The following ARHGAP20 variants were observed in gnomAD, a reference collection of about 807,000 sequenced individuals.
ARHGAP20 encodes rho GTPase-activating protein 20.
Under a neutral mutation model 73.7 loss-of-function variants are expected in ARHGAP20, and 34 were observed. The observed-to-expected ratio is 0.46, with a 90% confidence interval of 0.35 to 0.61. The LOEUF (loss-of-function observed/expected upper bound fraction) is 0.61. Among genes scored for constraint, ARHGAP20 ranks in the 20% least tolerant of loss-of-function variants. The pLI, the probability that ARHGAP20 is intolerant of heterozygous loss-of-function variation, is 0.00. For missense variants in ARHGAP20, 1,314 were observed against 1,420.9 expected (o/e 0.92, Z 1.21); for synonymous variants, 523 against 518.2 (o/e 1.01, Z -0.13).
At chr11:110,665,972 CAT>C (rs1565467082) in intron 2 of ARHGAP20, among the ~76,000 whole-genome samples, 2 of 78,136 alleles carry the variant, frequency 2.6e-5, no homozygotes. Flanking sequence ...ATACAAGATA[CAT>C]ATACACACAC....
intron 2 of ARHGAP20, among the ~76,000 whole-genome samples, chr11:110,639,990 T>C (rs1591335898): frequency 6.6e-6 from 1 of 151,970 alleles, no homozygotes; most frequent in Non-Finnish European, 1.5e-5. Context: ...ATGTTTAACT[T>C]ATTGAGGAAC....
At position 110,583,701 on chromosome 11, in the gene ARHGAP20, G is replaced by T. The variant is rs1947536884; in HGVS notation, c.1452C>A (p.Leu484=). 3 of 1,601,952 alleles carry T rather than the reference G, an allele frequency of 1.9e-6. No homozygotes were observed. The highest frequency in any genetic ancestry group is 2.6e-6 in the Non-Finnish European group (3 of 1,172,174). ...GTAACACCCCAAAAAGATACCTTAGGAGAACAACATTGGCTCTCGGAAGCT... is the reference window on the plus strand; with the variant it reads ...GTAACACCCCAAAAAGATACCTTAGTAGAACAACATTGGCTCTCGGAAGCT... The part of the protein sequence containing the change: ...LDQLPRANVV[L]LRYLFGVLHN... The change falls in exon 13 of 15, where the codon CTC becomes CTA. Residue 484 remains leucine (L), a synonymous_variant. Transcript: ENST00000683387.
chr11:110,608,733 T>C (rs1948292023), intron 8 of ARHGAP20, among the ~76,000 whole-genome samples: 2 of 152,248 alleles, frequency 1.3e-5, no homozygotes, highest in South Asian at 4.2e-4. Context: ...GGATAACTCT[T>C]GTTTGTCAAA....
chr11:110,670,099 C>T (rs758487010), intron 2 of ARHGAP20, among the ~76,000 whole-genome samples: 1 of 151,980 alleles, frequency 6.6e-6, no homozygotes. Flanking sequence ...CAAAGGCGCA[C>T]AAGGAAACCT....
chr11:110,656,422 G>A (rs541829271), intron 2 of ARHGAP20, among the ~76,000 whole-genome samples: 142 of 152,174 alleles, frequency 9.3e-4, no homozygotes, highest in Admixed American at 9.2e-4. Flanking sequence ...GCAGACCTCC[G>A]CTTTGTATTG....
chr11:110,665,104 A>G (rs1227599527), intron 2 of ARHGAP20, among the ~76,000 whole-genome samples: 2 of 152,212 alleles, frequency 1.3e-5, no homozygotes, highest in African/African-American at 4.8e-5. Flanking sequence ...TAGGTATAAA[A>G]AAGAAATCAT....
rs7124153 is a variant in ARHGAP20 at position 110,632,230 on chromosome 11, A to T, written c.189-1438T>A. On this transcript the variant is annotated intron_variant, in intron 2 of 14. Transcript: ENST00000683387. ...GGAATTGTTAGGTCACAGAGTAGGT[A>T]TAAGTTTAATTTTAGAAAAACTACC... is the stretch of plus-strand genomic sequence containing the variant. Among the ~76,000 whole-genome samples, 611 of 152,212 alleles carry T rather than the reference A, an allele frequency of 4.0e-3. 7 individuals are homozygous for T. Among genetic ancestry groups the T allele is most frequent in the African/African-American group, 0.014 (571 of 41,528 alleles).
At position 110,687,061 on chromosome 11, in the gene ARHGAP20, CACACACACACACACACATATATATAG is replaced by C. The variant is rs562179200; in HGVS notation, c.188+3460_188+3485del. On this transcript the variant is annotated intron_variant, in intron 2 of 14. Transcript: ENST00000683387. ...ATATATATATATATATATATAGACA[CACACACACACACACACATATATATAG>C]ACACACACACACACACACATATATT... Among the ~76,000 whole-genome samples, 668 of 101,472 alleles carry C rather than the reference CACACACACACACACACATATATATAG, an allele frequency of 6.6e-3. 3 individuals carry two copies. Among genetic ancestry groups the C allele is most frequent in the Non-Finnish European group, 0.011 (545 of 51,344 alleles). 66.6% of individuals were successfully genotyped at this position (101,472 alleles called of 152,430 possible).
At position 110,577,842 on chromosome 11, in the gene ARHGAP20, T is replaced by C. The variant is rs750662763; in HGVS notation, c.*1528A>G. ...TTCTTCTATCTTAGAGAAAATATTTTTTCCCCTATAACTGAAAATGCAACC... is the reference window on the plus strand; with the variant it reads ...TTCTTCTATCTTAGAGAAAATATTTCTTCCCCTATAACTGAAAATGCAACC... On this transcript the variant is annotated 3_prime_UTR_variant, in exon 15 of 15. Coordinates refer to ENST00000683387, the MANE Select transcript of ARHGAP20 (RefSeq NM_001384657.1). 5.9e-5 allele frequency: 58 copies of C among 985,760 alleles called. No homozygotes were observed. Among genetic ancestry groups the C allele is most frequent in the Middle Eastern group, 5.2e-4 (1 of 1,914 alleles). The allele number at this position is 985,760 out of a possible 1,614,324, so 61.1% of individuals were successfully genotyped here.
At chr11:110,666,949 C>T (rs980250311) in intron 2 of ARHGAP20, among the ~76,000 whole-genome samples, 9 of 152,192 alleles carry the variant, frequency 5.9e-5, no homozygotes, top group Non-Finnish European at 1.3e-4. Context: ...TAAATCTCTT[C>T]AATTCTATGA....
rs140931088 is a variant in ARHGAP20 at position 110,585,869 on chromosome 11, C to T, written c.1415+347G>A. Among the ~76,000 whole-genome samples the T allele has an allele frequency of 1.4e-4, 21 of 152,192 alleles. No homozygotes were observed. In the East Asian group the frequency reaches 3.9e-3, roughly 28 times the overall value. On this transcript the variant is annotated intron_variant, in intron 12 of 14. Transcript: ENST00000683387. ...AGTTCCATGAGAAGACAGAATAAGT[C>T]ATTTTCTCTGTATGACTTCAGTTGG...
intron 2 of ARHGAP20, among the ~76,000 whole-genome samples, chr11:110,642,817 CCCT>C (rs1055411578): frequency 5.9e-5 from 9 of 152,086 alleles, no homozygotes; most frequent in African/African-American, 2.2e-4. Flanking sequence ...CTTAGGGAGT[CCCT>C]CCTCCTCGAC....
chr11:110,578,130 C>CTT lies in ARHGAP20; in HGVS notation c.*1238_*1239dup, dbSNP rs1157507383. ...AGGTGACGAGATGTACTGCTGCAAC[C>CTT]TTTAAGTCAAGAAAGCAGAGAAAGA... On this transcript the variant is annotated 3_prime_UTR_variant, in exon 15 of 15. Coordinates refer to ENST00000683387, the MANE Select transcript of ARHGAP20 (RefSeq NM_001384657.1). The CTT allele has an allele frequency of 1.0e-6, 1 of 985,378 alleles. No individual in the cohort carries two copies. The allele number at this position is 985,378 out of a possible 1,614,324, so 61.0% of individuals were successfully genotyped here.
intron 2 of ARHGAP20, among the ~76,000 whole-genome samples, chr11:110,655,818 T>C (rs576474055): frequency 6.6e-6 from 1 of 152,268 alleles, no homozygotes; most frequent in African/African-American, 2.4e-5. Flanking sequence ...TTCCTAAGGC[T>C]ATGTGATTGT....
rs536213035 is a variant in ARHGAP20 at position 110,696,583 on chromosome 11, TCATGTG to T, written c.106-5960_106-5955del. Among the ~76,000 whole-genome samples, 474 of 151,600 alleles carry T rather than the reference TCATGTG, an allele frequency of 3.1e-3. 1 individual carries two copies. The highest frequency in any genetic ancestry group is 8.2e-3 in the African/African-American group (339 of 41,446). ...TTAACATTTTTAAAAAATTCTAGAT[TCATGTG>T]CATGTGCATGTGCATGTGCATGTTT... is the stretch of plus-strand genomic sequence containing the variant. On this transcript the variant is annotated intron_variant, in intron 1 of 14. Coordinates refer to ENST00000683387, the MANE Select transcript of ARHGAP20 (RefSeq NM_001384657.1).
chr11:110,661,953 A>G (rs1367834285), intron 2 of ARHGAP20, among the ~76,000 whole-genome samples: 1 of 152,076 alleles, frequency 6.6e-6, no homozygotes. Flanking sequence ...TGGAAACAAC[A>G]TAATAATTCA....
chr11:110,648,226 T>A (rs987625095), intron 2 of ARHGAP20, among the ~76,000 whole-genome samples: 1 of 79,310 alleles, frequency 1.3e-5, no homozygotes, highest in Non-Finnish European at 2.4e-5. Flanking sequence ...TATATGTATA[T>A]ATATATATAT....
At chr11:110,640,809 G>C (rs955065979) in intron 2 of ARHGAP20, among the ~76,000 whole-genome samples, 1 of 151,984 alleles carries the variant, frequency 6.6e-6, no homozygotes, top group East Asian at 1.9e-4. Context: ...TGTATATGAC[G>C]AGTTAATGGG....
At chr11:110,690,729 T>C in intron 1 of ARHGAP20, 100 bp from the exon 2 acceptor site, 1 of 1,150,600 alleles carries the variant, frequency 8.7e-7, no homozygotes, top group Non-Finnish European at 1.3e-6. Flanking sequence ...GCATTGCCTA[T>C]CTTTGTCTGT....
Sources: gnomAD v4.1 joint callset for allele counts (sites outside exome capture counted in the v4.1 genomes callset) on GRCh38, gnomAD v4.1.1 for gene constraint, MANE v1.5 for transcripts, NCBI Gene and HGNC (gene_info 2026-07-23, HGNC 2026-07-21) for gene names.